The following SORCS1 variants were observed in gnomAD, a reference collection of about 807,000 sequenced individuals.
The protein encoded by SORCS1 is VPS10 domain-containing receptor SorCS1.
Under a neutral mutation model 146.1 loss-of-function variants are expected in SORCS1, and 60 were observed. That is an observed-to-expected ratio of 0.41 (90% CI 0.33 to 0.51). The LOEUF (loss-of-function observed/expected upper bound fraction) is 0.51. Ranked by LOEUF, SORCS1 falls within the 20% of genes least tolerant of loss-of-function variation. SORCS1 has a pLI of 0.21. For missense variants in SORCS1, 1,352 were observed against 1,487.6 expected (o/e 0.91, Z 1.50); for synonymous variants, 637 against 584.0 (o/e 1.09, Z -1.31).
intron 1 of SORCS1, among the ~76,000 whole-genome samples, chr10:107,149,172 C>T (rs1427911047): frequency 1.3e-5 from 2 of 152,184 alleles, no homozygotes; most frequent in South Asian, 2.1e-4. Flanking sequence ...ACATTTCCGC[C>T]CCAGTTTCAT....
chr10:107,110,264 A>G (rs1479481015), intron 1 of SORCS1, among the ~76,000 whole-genome samples: 1 of 152,158 alleles, frequency 6.6e-6, no homozygotes, highest in Non-Finnish European at 1.5e-5. Context: ...TACCCAACTC[A>G]TTAGTACCGA....
chr10:107,012,222 G>C (rs1957724699), intron 1 of SORCS1, among the ~76,000 whole-genome samples: 1 of 152,000 alleles, frequency 6.6e-6, no homozygotes, highest in African/African-American at 2.4e-5. Context: ...AATAGCCTTG[G>C]GTATCAATCC....
rs1468366851 is a variant in SORCS1 at position 106,803,548 on chromosome 10, C to T, written c.726+26026G>A. Among the ~76,000 whole-genome samples, 4 of 152,202 alleles carry T rather than the reference C, an allele frequency of 2.6e-5. No individual in the cohort carries two copies. In the East Asian group the frequency reaches 5.8e-4, roughly 22 times the overall value. On this transcript the variant is annotated intron_variant, in intron 3 of 25. Coordinates refer to ENST00000263054, the MANE Select transcript of SORCS1 (RefSeq NM_052918.5). ...ATGGCTGAAGCTTGTTGGTCAGATT[C>T]CAATCTGTTCTGGGTACTGGTCATA... is the stretch of plus-strand genomic sequence containing the variant.
At chr10:107,062,448 A>G (rs1332703178) in intron 1 of SORCS1, among the ~76,000 whole-genome samples, 1 of 152,108 alleles carries the variant, frequency 6.6e-6, no homozygotes, top group Non-Finnish European at 1.5e-5. Context: ...ATAATTATAA[A>G]CATAATTATA....
At chr10:106,749,457 G>A (rs1408803025) in intron 5 of SORCS1, among the ~76,000 whole-genome samples, 1 of 152,142 alleles carries the variant, frequency 6.6e-6, no homozygotes, top group Non-Finnish European at 1.5e-5. Context: ...TCCTACCTAA[G>A]CAGCTGCAAG....
In SORCS1 at chr10:106,611,958, C is replaced by T. The variant is rs1234805101; in HGVS notation, c.2986G>A (p.Glu996Lys). ...ACTCGACCGATGTCCCTCCTCCACT[C>T]AGGGATGTCCGGGTTGTAGTCATCC... is the stretch of plus-strand genomic sequence containing the variant. Reference protein sequence around the residue: ...NLDDYNPDIPEWRRDIGRVIK... With the variant: ...NLDDYNPDIPKWRRDIGRVIK... Residue 996 changes from glutamate to lysine, a missense_variant, in exon 22 of 26, where the codon GAG becomes AAG. This residue lies in a region of SORCS1 where 648 missense variants were observed against 793.8 expected (regional missense o/e 0.82). Coordinates refer to ENST00000263054, the MANE Select transcript of SORCS1 (RefSeq NM_052918.5). 1 of 1,614,042 alleles carries T rather than the reference C, an allele frequency of 6.2e-7. No homozygotes were observed. The highest frequency in any genetic ancestry group is 1.3e-5 in the African/African-American group (1 of 74,924).
intron 3 of SORCS1, among the ~76,000 whole-genome samples, chr10:106,824,536 C>A (rs1178715652): frequency 6.6e-6 from 1 of 150,456 alleles, no homozygotes; most frequent in East Asian, 2.0e-4. Context: ...TTGCAGTGAG[C>A]CGAGATTGTG....
At chr10:106,788,342 C>T (rs1253714806) in intron 3 of SORCS1, among the ~76,000 whole-genome samples, 1 of 152,118 alleles carries the variant, frequency 6.6e-6, no homozygotes, top group African/African-American at 2.4e-5. Context: ...TATGCCTTCC[C>T]AACAGTCCTC....
intron 6 of SORCS1, among the ~76,000 whole-genome samples, chr10:106,726,597 C>A (rs1045655908): frequency 6.6e-6 from 1 of 152,002 alleles, no homozygotes; most frequent in South Asian, 2.1e-4. Flanking sequence ...CAGAAAACAG[C>A]AGCATATGCC....
At chr10:107,149,960 C>T (rs1968635464) in intron 1 of SORCS1, among the ~76,000 whole-genome samples, 2 of 152,240 alleles carry the variant, frequency 1.3e-5, no homozygotes, top group African/African-American at 4.8e-5. Flanking sequence ...GTATAAAGAC[C>T]CAGCTTAAAT....
At chr10:106,831,445 T>C (rs1267773200) in intron 2 of SORCS1, among the ~76,000 whole-genome samples, 3 of 152,222 alleles carry the variant, frequency 2.0e-5, no homozygotes, top group Non-Finnish European at 2.9e-5. Flanking sequence ...TAGAATATGT[T>C]AAGTGCAAAG....
chr10:106,661,456 T>C (rs1850722015), intron 17 of SORCS1, among the ~76,000 whole-genome samples: 1 of 152,238 alleles, frequency 6.6e-6, no homozygotes, highest in Admixed American at 6.5e-5. Context: ...GTCTCAGATA[T>C]TATTACTGCA....
intron 1 of SORCS1, among the ~76,000 whole-genome samples, chr10:106,989,130 C>T (rs976377580): frequency 3.5e-4 from 52 of 150,460 alleles, no homozygotes; most frequent in African/African-American, 1.2e-3. Flanking sequence ...ATTAGCTGGT[C>T]GTGGTGGTGG....
chr10:106,687,439 A>T (rs1589663845), intron 10 of SORCS1, among the ~76,000 whole-genome samples: 1 of 152,224 alleles, frequency 6.6e-6, no homozygotes, highest in Admixed American at 6.5e-5. Flanking sequence ...AATAAATATC[A>T]GGCTTTTTTT....
chr10:106,872,951 G>T (rs1056414015), intron 2 of SORCS1, among the ~76,000 whole-genome samples: 2 of 152,018 alleles, frequency 1.3e-5, no homozygotes, highest in African/African-American at 4.8e-5. Context: ...GAGGTGGGCG[G>T]ATCACAAGGT....
At chr10:107,097,204 C>A (rs924479953) in intron 1 of SORCS1, among the ~76,000 whole-genome samples, 4 of 152,136 alleles carry the variant, frequency 2.6e-5, no homozygotes, top group Non-Finnish European at 4.4e-5. Flanking sequence ...AATCCAGGAG[C>A]ACAGCCCAAT....
chr10:106,882,436 T>C (rs1344036238), intron 2 of SORCS1, among the ~76,000 whole-genome samples: 4 of 152,192 alleles, frequency 2.6e-5, no homozygotes, highest in Non-Finnish European at 5.9e-5. Context: ...CACTACATAT[T>C]CTTGGCTTTG....
chr10:106,927,081 T>C (rs1439284743), intron 2 of SORCS1, among the ~76,000 whole-genome samples: 1 of 152,138 alleles, frequency 6.6e-6, no homozygotes, highest in Non-Finnish European at 1.5e-5. Context: ...AAAACCTGAG[T>C]GCATGATCCT....
intron 1 of SORCS1, among the ~76,000 whole-genome samples, chr10:107,014,803 A>T (rs1248311546): frequency 9.9e-5 from 15 of 152,212 alleles, no homozygotes; most frequent in South Asian, 2.1e-4. Flanking sequence ...TTACCTTTTC[A>T]CCACATAAAC....
Sources: allele counts gnomAD v4.1 joint callset (sites outside exome capture counted in the v4.1 genomes callset), GRCh38; gene constraint gnomAD v4.1.1; regional missense constraint gnomAD v4.1.1; transcripts MANE v1.5; gene names NCBI Gene and HGNC (gene_info 2026-07-23, HGNC 2026-07-21).